Variants in KIF11 observed in about 807,000 individuals in gnomAD.
The protein encoded by KIF11 is kinesin family member 11.
Under a neutral mutation model 121.0 loss-of-function variants are expected in KIF11, and 9 were observed. That is an observed-to-expected ratio of 0.07 (90% CI 0.04 to 0.13). The LOEUF is 0.13. Among genes scored for constraint, KIF11 ranks in the 10% least tolerant of loss-of-function variants. KIF11 has a pLI of 1.00. For missense variants in KIF11, 846 were observed against 1,217.5 expected (o/e 0.69, Z 4.54); for synonymous variants, 408 against 421.0 (o/e 0.97, Z 0.38).
chr10:92,598,041 C>T (rs1844320699), intron 1 of KIF11, among the ~76,000 whole-genome samples: 2 of 152,134 alleles, frequency 1.3e-5, no homozygotes, highest in Admixed American at 1.3e-4. Flanking sequence ...CCTACCTCAG[C>T]CTTCCAGGTA....
intron 6 of KIF11, among the ~76,000 whole-genome samples, chr10:92,612,255 C>A (rs1844505894): frequency 6.6e-6 from 1 of 152,060 alleles, no homozygotes; most frequent in Non-Finnish European, 1.5e-5. Flanking sequence ...CCCACCTGAG[C>A]CTCCAGGGTA....
chr10:92,648,209 C>T lies in KIF11; in HGVS notation c.2548-3C>T, dbSNP rs750872856. The T allele has an allele frequency of 2.6e-6, 4 of 1,557,986 alleles. No homozygotes were observed. Among genetic ancestry groups the T allele is most frequent in the African/African-American group, 1.4e-5 (1 of 71,828 alleles). ...AATAAATATTTATTTGCATCATTTA[C>T]AGGTTGTAAGCCAATGTTGTGAGGC... On this transcript the variant is annotated splice_region_variant and splice_polypyrimidine_tract_variant and intron_variant, in intron 18 of 21. Coordinates refer to ENST00000260731, the MANE Select transcript of KIF11 (RefSeq NM_004523.4).
intron 20 of KIF11, 119 bp downstream of exon 20, chr10:92,650,105 T>C (rs1372738598): frequency 1.4e-6 from 1 of 728,088 alleles, no homozygotes; most frequent in African/African-American, 1.8e-5. Context: ...TCATTAATGA[T>C]AGGCCTAGCC....
In KIF11 at chr10:92,628,897, TA is replaced by T; in HGVS notation, c.1305+4del. The T allele has an allele frequency of 6.8e-7, 1 of 1,474,292 alleles. No individual in the cohort carries two copies. Among genetic ancestry groups the T allele is most frequent in the Non-Finnish European group, 9.4e-7 (1 of 1,061,844 alleles). 91.3% of individuals were successfully genotyped at this position (1,474,292 alleles called of 1,614,324 possible). ...GCTGTTGAGGAGGAGCTGAATAGGG[TA>T]AGCACTTAAAATGATATTTACTGTT... On this transcript the variant is annotated splice_donor_region_variant and intron_variant, in intron 11 of 21. Transcript: ENST00000260731.
rs117931530 is a variant in KIF11, at chr10:92,633,072, G to T, written c.1702+379G>T. 3.1e-3 allele frequency among the ~76,000 whole-genome samples: 469 copies of T among 151,844 alleles called. 11 individuals carry two copies. In the East Asian group the frequency reaches 0.073, roughly 24 times the overall value. Reference sequence around the variant, plus strand: ...CATAAACATTCTGCAACTTTTTTTGGGGGGGGCATATATATCTTGATGGTT... The same window carrying T: ...CATAAACATTCTGCAACTTTTTTTGTGGGGGGCATATATATCTTGATGGTT... On this transcript the variant is annotated intron_variant, in intron 13 of 21. Transcript: ENST00000260731.
chr10:92,627,775 A>G (rs879522957), intron 10 of KIF11, among the ~76,000 whole-genome samples: 5 of 152,114 alleles, frequency 3.3e-5, no homozygotes, highest in Admixed American at 6.6e-5. Flanking sequence ...CTTCCATCAG[A>G]TATCATTCTT....
At chr10:92,624,941 T>C (rs1163675144) in intron 10 of KIF11, among the ~76,000 whole-genome samples, 1 of 151,960 alleles carries the variant, frequency 6.6e-6, no homozygotes, top group Non-Finnish European at 1.5e-5. Flanking sequence ...GGCTAATTTT[T>C]GTATTTTTAG....
At chr10:92,638,134 G>C (rs565617388) in intron 16 of KIF11, among the ~76,000 whole-genome samples, 3 of 152,160 alleles carry the variant, frequency 2.0e-5, no homozygotes, top group Admixed American at 6.5e-5. Flanking sequence ...ACAGCTTCTG[G>C]TATTCTTAAG....
chr10:92,600,668 G>A (rs1035770525), intron 1 of KIF11, among the ~76,000 whole-genome samples: 47 of 151,392 alleles, frequency 3.1e-4, no homozygotes, highest in African/African-American at 1.1e-3. Context: ...CCCATGCCTA[G>A]CTAAGTTTTT....
chr10:92,615,371 A>T (rs879692294), intron 8 of KIF11, among the ~76,000 whole-genome samples: 1 of 151,994 alleles, frequency 6.6e-6, no homozygotes, highest in Non-Finnish European at 1.5e-5. Context: ...GCGCCATTGC[A>T]CTCAAGCCTG....
Position 92,602,958 on chromosome 10 carries a change from G to A in KIF11, c.78-3307G>A, listed in dbSNP as rs187769588. Among the ~76,000 whole-genome samples the A allele has an allele frequency of 1.5e-4, 23 of 151,264 alleles. No individual in the cohort carries two copies. The East Asian group carries it at 2.6e-3, about 17-fold the overall frequency. On this transcript the variant is annotated intron_variant, in intron 1 of 21. Coordinates refer to ENST00000260731, the MANE Select transcript of KIF11 (RefSeq NM_004523.4). ...GCAACCTCTGCCTCCCGGTTCAAGC[G>A]ATTCTCCTGTCTCAGCCTCCAGAGT...
At chr10:92,640,426 T>TTTTTTG (rs1258749763) in intron 17 of KIF11, among the ~76,000 whole-genome samples, 1 of 152,166 alleles carries the variant, frequency 6.6e-6, no homozygotes, top group East Asian at 1.9e-4. Flanking sequence ...TAGGGTTTTG[T>TTTTTTG]TTTTTGTTTT....
At chr10:92,601,222 A>G (rs1206512211) in intron 1 of KIF11, among the ~76,000 whole-genome samples, 2 of 148,868 alleles carry the variant, frequency 1.3e-5, no homozygotes, top group African/African-American at 2.5e-5. Context: ...TTTTTTTGAG[A>G]TGGAGTCTCG....
intron 1 of KIF11, among the ~76,000 whole-genome samples, chr10:92,595,501 C>T (rs577972288): frequency 1.3e-5 from 2 of 152,202 alleles, no homozygotes; most frequent in South Asian, 4.1e-4. Flanking sequence ...ACATAATGCG[C>T]TACTGGTTCT....
chr10:92,606,965 C>T (rs929844727), intron 3 of KIF11, among the ~76,000 whole-genome samples, 194 bp from the exon 4 acceptor site: 5 of 152,020 alleles, frequency 3.3e-5, no homozygotes, highest in African/African-American at 9.7e-5. Context: ...TTAGTAGAGA[C>T]GTGGTTTCAC....
intron 17 of KIF11, among the ~76,000 whole-genome samples, chr10:92,644,354 C>T (rs924950554): frequency 4.6e-5 from 7 of 151,994 alleles, no homozygotes; most frequent in Admixed American, 1.3e-4. Context: ...CTTGCTCTGT[C>T]GCCCAGGCTG....
chr10:92,650,448 T>C lies in KIF11; in HGVS notation c.2970T>C (p.Pro990=), dbSNP rs780532911. ...EAVLGQYTEE[P]LSQEPSVDAG... ...TTCTGGGGCAGTATACTGAAGAACC[T>C]CTAAGTCAAGAGCCATCTGTAGATG... Residue 990 remains proline, a synonymous_variant, in exon 21 of 22, where the codon CCT becomes CCC. Coordinates refer to ENST00000260731, the MANE Select transcript of KIF11 (RefSeq NM_004523.4). 2.9e-5 allele frequency: 46 copies of C among 1,613,790 alleles called. No individual in the cohort carries two copies. The highest frequency in any genetic ancestry group is 3.3e-4 in the Middle Eastern group (2 of 6,060).
At chr10:92,652,551 C>T (rs530416292) in intron 21 of KIF11, among the ~76,000 whole-genome samples, 2 of 152,202 alleles carry the variant, frequency 1.3e-5, no homozygotes, top group Non-Finnish European at 2.9e-5. Context: ...AAATTCCTCC[C>T]TGTCTTCCTC....
chr10:92,620,239 C>T (rs974480816), intron 9 of KIF11, among the ~76,000 whole-genome samples: 13 of 152,024 alleles, frequency 8.6e-5, no homozygotes, highest in African/African-American at 9.7e-5. Flanking sequence ...TGTCACCACG[C>T]CCGGCTAATT....
Sources: gnomAD v4.1 joint callset for allele counts (sites outside exome capture counted in the v4.1 genomes callset) on GRCh38, gnomAD v4.1.1 for gene constraint, MANE v1.5 for transcripts, NCBI Gene and HGNC (gene_info 2026-07-23, HGNC 2026-07-21) for gene names.